Variants in PTPN5 observed in about 807,000 individuals in gnomAD.
The protein encoded by PTPN5 is protein tyrosine phosphatase non-receptor type 5.
In PTPN5, 29 loss-of-function variants were observed where a neutral mutation model predicts 73.9. The ratio of observed to expected loss-of-function variants is 0.39; its 90% CI spans 0.29 to 0.54. The LOEUF (loss-of-function observed/expected upper bound fraction) is 0.54, where lower values mean the gene tolerates loss of function less well. Ranked by LOEUF, PTPN5 falls within the 20% of genes least tolerant of loss-of-function variation. The pLI, the probability that PTPN5 is intolerant of heterozygous loss-of-function variation, is 0.65. For missense variants in PTPN5, 652 were observed against 751.4 expected (o/e 0.87, Z 1.55); for synonymous variants, 267 against 304.7 (o/e 0.88, Z 1.29).
At chr11:18,734,440 C>T (rs1200666378) in intron 9 of PTPN5, among the ~76,000 whole-genome samples, 5 of 152,196 alleles carry the variant, frequency 3.3e-5, no homozygotes. Flanking sequence ...GCTTCAACCC[C>T]CTGAGTAAGC....
intron 3 of PTPN5, among the ~76,000 whole-genome samples, chr11:18,758,260 G>C (rs1850240235): frequency 6.6e-6 from 1 of 152,168 alleles, no homozygotes; most frequent in Non-Finnish European, 1.5e-5. Context: ...AAATGTAGTG[G>C]AGTGACATTG....
chr11:18,743,805 G>A (rs956917061), intron 4 of PTPN5: 7 of 617,060 alleles, frequency 1.1e-5, no homozygotes, highest in Non-Finnish European at 1.9e-5. Flanking sequence ...GAGGCAGGGT[G>A]TGAGGTCTCA....
chr11:18,738,957 A>G (rs1398810584), intron 8 of PTPN5, among the ~76,000 whole-genome samples: 1 of 146,016 alleles, frequency 6.8e-6, no homozygotes, highest in South Asian at 2.2e-4. Flanking sequence ...GGGCAACAAG[A>G]GTGAAACCCT....
At chr11:18,743,918 T>TCCTCC (rs1849491738) in intron 4 of PTPN5, 88 bp downstream of exon 4, 17 of 1,452,110 alleles carry the variant, frequency 1.2e-5, no homozygotes, top group Non-Finnish European at 1.4e-5. Flanking sequence ...CCTCCTGCCT[T>TCCTCC]CCAGGTGGCC....
At chr11:18,745,340 T>C (rs1468079383) in intron 3 of PTPN5, among the ~76,000 whole-genome samples, 1 of 152,192 alleles carries the variant, frequency 6.6e-6, no homozygotes. Flanking sequence ...TGACAAACAT[T>C]TACTGAGCAC....
intron 1 of PTPN5, 50 bp downstream of exon 1, chr11:18,791,475 C>T (rs992058883): frequency 1.3e-5 from 2 of 152,186 alleles, no homozygotes; most frequent in Non-Finnish European, 2.9e-5. Context: ...CCCGCGCCCT[C>T]CACCTTCCGG....
In PTPN5 at chr11:18,733,687, A is replaced by G. The variant is rs115088600; in HGVS notation, c.1001-52T>C. 4.2e-3 allele frequency: 6,291 copies of G among 1,508,322 alleles called. 196 individuals are homozygous for G. In the African/African-American group the frequency reaches 0.074, roughly 18 times the overall value. The allele number at this position is 1,508,322 out of a possible 1,614,324, so 93.4% of individuals were successfully genotyped here. The stretch of plus-strand genomic sequence containing the variant: ...TGGAAACTGGGCCCTCTGGTGCAGG[A>G]CCCACTTGCTCTGGCCTATTCCAGC... On this transcript the variant is annotated intron_variant, in intron 9 of 14. Coordinates refer to ENST00000358540, the MANE Select transcript of PTPN5 (RefSeq NM_006906.2). This position sits in a 1 kb window ranked among gnomAD's most constrained non-coding sequence, Gnocchi z 4.3.
intron 3 of PTPN5, among the ~76,000 whole-genome samples, chr11:18,760,270 A>G (rs544347701): frequency 6.6e-6 from 1 of 152,316 alleles, no homozygotes; most frequent in Admixed American, 6.5e-5. Context: ...GCATGGTAGG[A>G]AGGCTATGAA....
Position 18,733,786 on chromosome 11 carries a change from G to A in PTPN5, c.1001-151C>T. ...AGCAGCAAAACATTGACCCATTCAT[G>A]GTTCATTTTGTAGGTGAGGACTCAG... On this transcript the variant is annotated intron_variant, in intron 9 of 14. Transcript: ENST00000358540. This position sits in a 1 kb window ranked among gnomAD's most constrained non-coding sequence, Gnocchi z 4.3. The A allele has an allele frequency of 4.1e-6, 3 of 735,342 alleles. No individual in the cohort carries two copies. Among genetic ancestry groups the A allele is most frequent in the Non-Finnish European group, 7.0e-6 (3 of 428,200 alleles). The allele number at this position is 735,342 out of a possible 1,614,324, so 45.6% of individuals were successfully genotyped here. A position where few individuals can be genotyped will look rare whatever the true frequency, so the allele number is the denominator to read the frequency against.
intron 1 of PTPN5, among the ~76,000 whole-genome samples, chr11:18,789,054 T>C (rs1419331573): frequency 2.0e-5 from 3 of 152,142 alleles, no homozygotes; most frequent in African/African-American, 7.2e-5. Context: ...AGTCCAGGAA[T>C]AGGTCAGGGG....
chr11:18,768,395 C>G (rs1850731023), intron 2 of PTPN5, among the ~76,000 whole-genome samples: 3 of 152,210 alleles, frequency 2.0e-5, no homozygotes, highest in Admixed American at 1.3e-4. Context: ...TGAGAGCACC[C>G]ACCCCCAACC....
chr11:18,780,414 G>A lies in PTPN5; in HGVS notation c.-113-8343C>T, dbSNP rs574936636. 1.6e-3 allele frequency among the ~76,000 whole-genome samples: 245 copies of A among 152,246 alleles called. 1 individual carries two copies. In the South Asian group the frequency reaches 0.028, roughly 18 times the overall value. On this transcript the variant is annotated intron_variant, in intron 1 of 14. Coordinates refer to ENST00000358540, the MANE Select transcript of PTPN5 (RefSeq NM_006906.2). ...GCCTTAGTCTCTCAGCTCCTAGAGC[G>A]GCCCCTAGCTCCTGCCACACCCTGC...
At chr11:18,755,288 T>C (rs1267215388) in intron 3 of PTPN5, among the ~76,000 whole-genome samples, 2 of 152,216 alleles carry the variant, frequency 1.3e-5, no homozygotes, top group African/African-American at 4.8e-5. Flanking sequence ...ATTGCAGCCC[T>C]GGTCAACAAC....
At position 18,743,018 on chromosome 11, in the gene PTPN5, C is replaced by A. The variant is rs375209166; in HGVS notation, c.457G>T (p.Val153Leu). 1 of 1,551,678 alleles carries A rather than the reference C, an allele frequency of 6.4e-7. No individual in the cohort carries two copies. The highest frequency in any genetic ancestry group is 1.2e-5 in the South Asian group (1 of 84,058). ...VPSLLLVFLS[V>L]GLVLVTTLVW... ...AGGGTGGTAACGAGGACCAGGCCCA[C>A]GGACAGAAAGACCAGCAGCAGACTG... is the stretch of plus-strand genomic sequence containing the variant. Residue 153 changes from valine to leucine, a missense_variant, in exon 6 of 15, where the codon GTG (valine) becomes TTG (leucine). Transcript: ENST00000358540.
chr11:18,761,640 C>G (rs1438612088), intron 3 of PTPN5, among the ~76,000 whole-genome samples: 1 of 152,052 alleles, frequency 6.6e-6, no homozygotes, highest in African/African-American at 2.4e-5. Context: ...TACCGGGGAG[C>G]TGGGCATGAC....
intron 3 of PTPN5, among the ~76,000 whole-genome samples, chr11:18,747,429 G>A (rs1590530983): frequency 6.6e-6 from 1 of 152,144 alleles, no homozygotes; most frequent in African/African-American, 2.4e-5. Flanking sequence ...GGAATTACAG[G>A]CGTGAGCCAC....
At chr11:18,781,046 A>T (rs1049929033) in intron 1 of PTPN5, among the ~76,000 whole-genome samples, 2 of 152,176 alleles carry the variant, frequency 1.3e-5, no homozygotes, top group Non-Finnish European at 1.5e-5. Flanking sequence ...CACTCTGATT[A>T]TGCAACTCCT....
intron 3 of PTPN5, among the ~76,000 whole-genome samples, chr11:18,756,871 C>A (rs1274775039): frequency 2.0e-5 from 3 of 149,878 alleles, no homozygotes; most frequent in Non-Finnish European, 4.4e-5. Context: ...CTGCAGTGAG[C>A]CAAGATCGTG....
intron 9 of PTPN5, among the ~76,000 whole-genome samples, chr11:18,735,108 C>G (rs1013590505): frequency 1.3e-5 from 2 of 152,202 alleles, no homozygotes; most frequent in African/African-American, 4.8e-5. Flanking sequence ...CTAGGACCAA[C>G]ACGAAGTATC....
Sources: gnomAD v4.1 joint callset for allele counts (sites outside exome capture counted in the v4.1 genomes callset) on GRCh38, gnomAD v4.1.1 for gene constraint, Gnocchi (gnomAD v3.1) non-coding constraint, MANE v1.5 for transcripts, NCBI Gene and HGNC (gene_info 2026-07-23, HGNC 2026-07-21) for gene names.